The following NUDT7 variants were observed in gnomAD, a reference collection of about 807,000 sequenced individuals.
NUDT7 encodes nudix hydrolase 7, also known as peroxisomal coenzyme A diphosphatase NUDT7.
NUDT7 carries 19 observed loss-of-function variants against 13.1 expected under a neutral mutation model. The ratio of observed to expected loss-of-function variants is 1.45; its 90% CI spans 1.01 to 2.13. The LOEUF (loss-of-function observed/expected upper bound fraction) is 2.13, where lower values mean the gene tolerates loss of function less well. NUDT7 is among the 30% of genes most tolerant of loss of function. NUDT7 has a pLI of 0.00. For missense variants in NUDT7, 360 were observed against 291.7 expected, an observed-to-expected ratio of 1.23 and a Z score of -1.71; for synonymous variants, 132 against 109.7, an observed-to-expected ratio of 1.20 and a Z score of -1.27.
intron 3 of NUDT7, among the ~76,000 whole-genome samples, chr16:77,740,634 G>A (rs767249063): frequency 2.6e-5 from 4 of 151,934 alleles, no homozygotes; most frequent in East Asian, 1.9e-4. Context: ...ATCTATCTCC[G>A]CCTCCCAAGT....
intron 2 of NUDT7, among the ~76,000 whole-genome samples, chr16:77,729,029 T>C (rs1219036263): frequency 1.3e-5 from 2 of 152,120 alleles, no homozygotes; most frequent in Non-Finnish European, 2.9e-5. Context: ...AAGATTGAAG[T>C]CTTAGGAAAT....
At position 77,742,007 on chromosome 16, in the gene NUDT7, T is replaced by G. The variant is rs375696182; in HGVS notation, c.*57T>G. 249 of 1,508,292 alleles carry G rather than the reference T, an allele frequency of 1.7e-4. 1 individual carries two copies. The African/African-American group carries it at 2.9e-3, about 18-fold the overall frequency. 93.4% of individuals were successfully genotyped at this position (1,508,292 alleles called of 1,614,324 possible). On this transcript the variant is annotated 3_prime_UTR_variant, in exon 4 of 4. Transcript: ENST00000268533. Reference sequence around the variant, plus strand: ...CGAGGATTCTGTGTGTGCTTATTCGTAGAACAACAACAATGCCAGCTGTTG... The same window carrying G: ...CGAGGATTCTGTGTGTGCTTATTCGGAGAACAACAACAATGCCAGCTGTTG...
intron 1 of NUDT7, among the ~76,000 whole-genome samples, chr16:77,722,925 A>G (rs1052002880): frequency 6.6e-6 from 1 of 152,090 alleles, no homozygotes; most frequent in African/African-American, 2.4e-5. Context: ...CGACAGTGGC[A>G]CAGACCCGCA....
chr16:77,735,249 C>T (rs554198248), intron 2 of NUDT7: 1 of 400,774 alleles, frequency 2.5e-6, no homozygotes, highest in Non-Finnish European at 4.4e-6. Context: ...CAATATTGGA[C>T]CTGGGGCCTG....
chr16:77,741,977 A>G lies in NUDT7; in HGVS notation c.*27A>G, dbSNP rs1567434553. 2 of 1,538,682 alleles carry G rather than the reference A, an allele frequency of 1.3e-6. No individual in the cohort carries two copies. Among genetic ancestry groups the G allele is most frequent in the African/African-American group, 1.4e-5 (1 of 72,638 alleles). On this transcript the variant is annotated 3_prime_UTR_variant, in exon 4 of 4. Coordinates refer to ENST00000268533, the MANE Select transcript of NUDT7 (RefSeq NM_001105663.3). Reference sequence around the variant, plus strand: ...TTACTAGAGCAAGAGACAAAGAACTATTCACGAGGATTCTGTGTGTGCTTA... The same window carrying G: ...TTACTAGAGCAAGAGACAAAGAACTGTTCACGAGGATTCTGTGTGTGCTTA...
At position 77,741,576 on chromosome 16, in the gene NUDT7, T is replaced by C. The variant is rs777047861; in HGVS notation, c.349-6T>C. ...TTAATTTGTCTGTTTTGTTTTCTGC[T>C]TTTAGACAGATACATTGATAACTCC... On this transcript the variant is annotated splice_region_variant and splice_polypyrimidine_tract_variant and intron_variant, in intron 3 of 3. Coordinates refer to ENST00000268533, the MANE Select transcript of NUDT7 (RefSeq NM_001105663.3). 2 of 1,593,998 alleles carry C rather than the reference T, an allele frequency of 1.3e-6. No homozygotes were observed. The highest frequency in any genetic ancestry group is 1.7e-6 in the Non-Finnish European group (2 of 1,173,458).
chr16:77,725,328 C>A, intron 1 of NUDT7, 103 bp from the exon 2 acceptor site: 2 of 1,029,772 alleles, frequency 1.9e-6, no homozygotes, highest in Non-Finnish European at 1.4e-6. Context: ...TCAGAAATGG[C>A]AAACTCCTAA....
At chr16:77,740,157 A>C (rs879058336) in intron 3 of NUDT7, among the ~76,000 whole-genome samples, 1 of 152,092 alleles carries the variant, frequency 6.6e-6, no homozygotes, top group Admixed American at 6.6e-5. Flanking sequence ...AATGACCCCA[A>C]ATTTCCTGCC....
chr16:77,738,817 T>C (rs1367188128), intron 3 of NUDT7, among the ~76,000 whole-genome samples: 1 of 152,262 alleles, frequency 6.6e-6, no homozygotes, highest in Non-Finnish European at 1.5e-5. Context: ...ATTTATGTAC[T>C]ACTTTTTGCA....
intron 2 of NUDT7, chr16:77,735,597 G>T (rs770786329): frequency 3.4e-6 from 2 of 582,388 alleles, no homozygotes; most frequent in Non-Finnish European, 6.1e-6. Flanking sequence ...ACAGTGTGTG[G>T]TATCTTTTGG....
Position 77,723,913 on chromosome 16 carries a change from A to G in NUDT7, c.35+1296A>G, listed in dbSNP as rs554929621. On this transcript the variant is annotated intron_variant, in intron 1 of 3. Coordinates refer to ENST00000268533, the MANE Select transcript of NUDT7 (RefSeq NM_001105663.3). ...GGCCTCCTATATACATTTGAAGCCA[A>G]TTCTGGGTATCTTAAATAGCTGATT... Among the ~76,000 whole-genome samples the G allele has an allele frequency of 1.8e-4, 27 of 152,262 alleles. No homozygotes were observed. The South Asian group carries it at 5.4e-3, about 30-fold the overall frequency.
intron 1 of NUDT7, among the ~76,000 whole-genome samples, chr16:77,724,337 C>A (rs1274755922): frequency 2.0e-5 from 3 of 152,212 alleles, no homozygotes; most frequent in Admixed American, 2.0e-4. Flanking sequence ...TCATGGCTCA[C>A]TGCAGCCTTG....
At chr16:77,727,831 TG>T (rs1457385717) in intron 2 of NUDT7, among the ~76,000 whole-genome samples, 1 of 151,876 alleles carries the variant, frequency 6.6e-6, no homozygotes, top group Non-Finnish European at 1.5e-5. Context: ...CACTCCAGCC[TG>T]GGCAACAGAG....
chr16:77,731,236 G>T (rs865953467), intron 2 of NUDT7, among the ~76,000 whole-genome samples: 1 of 152,184 alleles, frequency 6.6e-6, no homozygotes, highest in African/African-American at 2.4e-5. Flanking sequence ...CTATTAATTG[G>T]AATAGGTGTA....
At chr16:77,724,550 C>T (rs572994022) in intron 1 of NUDT7, among the ~76,000 whole-genome samples, 15 of 152,254 alleles carry the variant, frequency 9.9e-5, no homozygotes, top group Admixed American at 5.9e-4. Context: ...GGATTACAGG[C>T]GTGAGCCGCT....
At chr16:77,725,662 C>T in intron 2 of NUDT7, 78 bp downstream of exon 2, 4 of 1,349,468 alleles carry the variant, frequency 3.0e-6, no homozygotes, top group Non-Finnish European at 3.1e-6. Context: ...CTTGCACACA[C>T]TTTGATGCCA....
intron 2 of NUDT7, among the ~76,000 whole-genome samples, chr16:77,731,643 T>A (rs904952385): frequency 5.3e-5 from 8 of 152,316 alleles, no homozygotes; most frequent in East Asian, 1.9e-4. Flanking sequence ...ACTTATTTTT[T>A]AAAAATAACT....
Position 77,722,557 on chromosome 16 carries a change from C to A in NUDT7, c.-26C>A. 2 of 1,575,410 alleles carry A rather than the reference C, an allele frequency of 1.3e-6. No individual in the cohort carries two copies. The highest frequency in any genetic ancestry group is 1.7e-6 in the Non-Finnish European group (2 of 1,159,650). ...CGACCGAGCAGCTCCGAGGAGTCCG[C>A]CCGGAAACAAACATTCCCCAGGGCA... On this transcript the variant is annotated 5_prime_UTR_variant, in exon 1 of 4. Coordinates refer to ENST00000268533, the MANE Select transcript of NUDT7 (RefSeq NM_001105663.3).
chr16:77,728,064 A>C (rs1292846935), intron 2 of NUDT7, among the ~76,000 whole-genome samples: 1 of 152,010 alleles, frequency 6.6e-6, no homozygotes, highest in South Asian at 2.1e-4. Context: ...TGTAAACACT[A>C]TCTGGCTGTA....
Sources: gnomAD v4.1 joint callset for allele counts (sites outside exome capture counted in the v4.1 genomes callset) on GRCh38, gnomAD v4.1.1 for gene constraint, MANE v1.5 for transcripts, NCBI Gene and HGNC (gene_info 2026-07-23, HGNC 2026-07-21) for gene names.